The following CYP3A5 variants were observed in gnomAD, a reference collection of about 807,000 sequenced individuals.
CYP3A5 encodes cytochrome P450 3A5.
A neutral mutation model predicts 55.9 loss-of-function variants in CYP3A5; 51 were observed. The observed-to-expected ratio is 0.91, with a 90% confidence interval of 0.73 to 1.15. The LOEUF (loss-of-function observed/expected upper bound fraction) is 1.15. CYP3A5 is among the 50% of genes most tolerant of loss of function. The probability of loss-of-function intolerance (pLI) is 0.00; values close to 1 mark genes in which losing one functional copy is unlikely to be tolerated. For missense variants in CYP3A5, 533 were observed against 596.6 expected, an observed-to-expected ratio of 0.89 and a Z score of 1.11; for synonymous variants, 196 against 213.9, an observed-to-expected ratio of 0.92 and a Z score of 0.73.
At chr7:99,672,763 A>G in intron 3 of CYP3A5, 84 bp from the exon 4 acceptor site, 1 of 1,601,064 alleles carries the variant, frequency 6.2e-7, no homozygotes, top group Non-Finnish European at 8.5e-7. Context: ...GACTTTGATC[A>G]TTATGTTATG....
rs1810572203 is a variant in CYP3A5, at chr7:99,662,716, A to G, written c.865+100T>C. The stretch of plus-strand genomic sequence containing the variant: ...ATGTGTGTTGTTCTGCTATGTGGCA[A>G]AAATTCTCATCTTCCTGGAATACTT... On this transcript the variant is annotated intron_variant, in intron 9 of 12. Transcript: ENST00000222982. This position sits in a 1 kb window ranked among gnomAD's most constrained non-coding sequence, Gnocchi z 4.3. 1 of 1,227,624 alleles carries G rather than the reference A, an allele frequency of 8.1e-7. No homozygotes were observed. The allele number at this position is 1,227,624 out of a possible 1,614,324, so 76.0% of individuals were successfully genotyped here.
Position 99,650,117 on chromosome 7 carries a change from T to C in CYP3A5, c.1369A>G (p.Arg457Gly), listed in dbSNP as rs1809024678. Residue 457 changes from arginine to glycine, a missense_variant, in exon 12 of 13, where the codon AGA becomes GGA. Coordinates refer to ENST00000222982, the MANE Select transcript of CYP3A5 (RefSeq NM_000777.5). ...TTGAAGGAGAAGTTCTGAAGGACTC[T>C]GATTAGAGCAAGTTTCATGTTCATG... The part of the protein sequence containing the change: ...ALMNMKLALI[R>G]VLQNFSFKPC... The C allele has an allele frequency of 1.2e-6, 2 of 1,614,072 alleles. No homozygotes were observed. The highest frequency in any genetic ancestry group is 1.3e-5 in the African/African-American group (1 of 74,946).
intron 4 of CYP3A5, chr7:99,671,876 A>G (rs184167131): frequency 2.1e-5 from 15 of 702,536 alleles, no homozygotes; most frequent in Admixed American, 2.0e-4. Context: ...TCGTTGCACA[A>G]ATCTACGAAT....
chr7:99,668,836 A>T (rs1185416020), intron 4 of CYP3A5, among the ~76,000 whole-genome samples: 4 of 152,210 alleles, frequency 2.6e-5, no homozygotes, highest in Non-Finnish European at 5.9e-5. Flanking sequence ...CCAGTGTGTT[A>T]TCTTCTAATC....
Position 99,652,801 on chromosome 7 carries a change from T to A in CYP3A5, c.1027-22A>T, listed in dbSNP as rs764301114. 29 of 1,588,300 alleles carry A rather than the reference T, an allele frequency of 1.8e-5. No homozygotes were observed. The East Asian group carries it at 6.0e-4, about 33-fold the overall frequency. ...GTGCCTGGAAGGAAAGAAACAGAAT[T>A]GGATAATCTGAGATTTTGAATTAAC... On this transcript the variant is annotated intron_variant, in intron 10 of 12. Coordinates refer to ENST00000222982, the MANE Select transcript of CYP3A5 (RefSeq NM_000777.5).
intron 5 of CYP3A5, 91 bp from the exon 6 acceptor site, chr7:99,666,780 A>C: frequency 6.2e-7 from 1 of 1,602,772 alleles, no homozygotes; most frequent in South Asian, 1.1e-5. Flanking sequence ...GCAGTAAGTG[A>C]CATTTTGTAA....
In CYP3A5 at chr7:99,660,595, G is replaced by A. The variant is rs149021217; in HGVS notation, c.930C>T (p.Thr310=). 1 of 1,613,874 alleles carries A rather than the reference G, an allele frequency of 6.2e-7. No homozygotes were observed. The highest frequency in any genetic ancestry group is 1.3e-5 in the African/African-American group (1 of 74,874). ...ATAAAGTGAAGGAAAGAACACTGCTGGTGGTTTCATAGCCAGCAAAAATGA... is the reference window on the plus strand; with the variant it reads ...ATAAAGTGAAGGAAAGAACACTGCTAGTGGTTTCATAGCCAGCAAAAATGA... ...IIFIFAGYET[T]SSVLSFTLYE... is the part of the protein sequence containing the mutation. The change falls in exon 10 of 13, where the codon ACC becomes ACT. Residue 310 remains threonine (T), a synonymous_variant. Transcript: ENST00000222982.
intron 5 of CYP3A5, 29 bp from the exon 6 acceptor site, chr7:99,666,718 GT>G (rs1469886197): frequency 1.9e-6 from 3 of 1,613,980 alleles, no homozygotes; most frequent in Non-Finnish European, 1.7e-6. Context: ...AGTACCTGTA[GT>G]TAAATGTGCA....
intron 9 of CYP3A5, among the ~76,000 whole-genome samples, chr7:99,661,489 A>C (rs532677475): frequency 6.6e-6 from 1 of 152,370 alleles, no homozygotes; most frequent in African/African-American, 2.4e-5. Context: ...GATGAATGGC[A>C]TTAAAATAGC....
intron 8 of CYP3A5, chr7:99,663,218 T>G (rs1016646471): frequency 9.3e-7 from 1 of 1,070,658 alleles, no homozygotes; most frequent in African/African-American, 1.7e-5. Flanking sequence ...CAGGAAGAAG[T>G]ACTGGATCTT....
intron 10 of CYP3A5, chr7:99,658,972 T>A (rs1344098855): frequency 6.6e-6 from 1 of 152,220 alleles, no homozygotes; most frequent in African/African-American, 2.4e-5. Flanking sequence ...TTATTCTAGT[T>A]AGCCATTTGT....
chr7:99,670,085 T>G (rs76138712), intron 4 of CYP3A5, among the ~76,000 whole-genome samples: 4,277 of 152,316 alleles, frequency 0.028, 92 homozygotes, highest in South Asian at 0.073. Flanking sequence ...AAAGTATGGA[T>G]GCTGACTCTA....
At position 99,666,706 on chromosome 7, in the gene CYP3A5, T is replaced by G; in HGVS notation, c.433-17A>C. ...GGGGAACATCTAAGCACAAAACAGA[T>G]CAGTACCTGTAGTTAAATGTGCAGA... On this transcript the variant is annotated splice_polypyrimidine_tract_variant and intron_variant, in intron 5 of 12. Transcript: ENST00000222982. The G allele has an allele frequency of 6.2e-7, 1 of 1,614,002 alleles. No homozygotes were observed. The highest frequency in any genetic ancestry group is 8.5e-7 in the Non-Finnish European group (1 of 1,179,900).
chr7:99,656,069 A>T (rs909280756), intron 10 of CYP3A5, among the ~76,000 whole-genome samples: 5 of 152,100 alleles, frequency 3.3e-5, no homozygotes, highest in African/African-American at 1.2e-4. Context: ...AATACCCTTT[A>T]TTTCTTTCTC....
chr7:99,669,668 A>C (rs571606194), intron 4 of CYP3A5, among the ~76,000 whole-genome samples: 7 of 152,232 alleles, frequency 4.6e-5, no homozygotes, highest in Non-Finnish European at 1.0e-4. Context: ...GACACTACAG[A>C]TACGGCACAA....
intron 1 of CYP3A5, among the ~76,000 whole-genome samples, chr7:99,678,712 T>A (rs1812531417): frequency 6.6e-6 from 1 of 152,250 alleles, no homozygotes; most frequent in African/African-American, 2.4e-5. Context: ...TCAATTCATT[T>A]AAAAATGTTA....
At chr7:99,656,236 T>G (rs1562987937) in intron 10 of CYP3A5, among the ~76,000 whole-genome samples, 2 of 152,234 alleles carry the variant, frequency 1.3e-5, no homozygotes, top group Non-Finnish European at 2.9e-5. Context: ...TTTGCTCTTA[T>G]TATTTTGAGA....
At chr7:99,666,856 T>C in intron 5 of CYP3A5, 96 bp downstream of exon 5, 1 of 1,585,040 alleles carries the variant, frequency 6.3e-7, no homozygotes, top group Non-Finnish European at 8.6e-7. Flanking sequence ...TCGAACTCAG[T>C]GGACTACCCC....
chr7:99,660,420 A>T (rs1159879461), intron 10 of CYP3A5, 79 bp downstream of exon 10: 1 of 1,496,488 alleles, frequency 6.7e-7, no homozygotes, highest in Non-Finnish European at 8.9e-7. Context: ...TTTTATAAAA[A>T]TTCTCCTGGG....
Sources: allele counts gnomAD v4.1 joint callset (sites outside exome capture counted in the v4.1 genomes callset), GRCh38; gene constraint gnomAD v4.1.1; non-coding constraint Gnocchi (gnomAD v3.1); transcripts MANE v1.5; gene names NCBI Gene and HGNC (gene_info 2026-07-23, HGNC 2026-07-21).